Variants in NCAM1 observed in about 807,000 individuals in gnomAD.
NCAM1 encodes the protein neural cell adhesion molecule 1, also known as antigen recognized by monoclonal antibody 5.1H11.
Under a neutral mutation model 109.8 loss-of-function variants are expected in NCAM1, and 14 were observed. The observed-to-expected ratio is 0.13, with a 90% confidence interval of 0.08 to 0.20. The LOEUF (loss-of-function observed/expected upper bound fraction) is 0.20. Ranked by LOEUF, NCAM1 falls within the 10% of genes least tolerant of loss-of-function variation. NCAM1 has a pLI of 1.00. For missense variants in NCAM1, 774 were observed against 1,109.9 expected (o/e 0.70, Z 4.30); for synonymous variants, 418 against 442.9 (o/e 0.94, Z 0.70).
chr11:113,114,430 C>G (rs908801650), intron 1 of NCAM1, among the ~76,000 whole-genome samples: 2 of 152,176 alleles, frequency 1.3e-5, no homozygotes, highest in Admixed American at 6.5e-5. Context: ...GCCTAAGAAG[C>G]CTTAGGACAT....
At chr11:112,978,874 A>G (rs782588310) in intron 1 of NCAM1, among the ~76,000 whole-genome samples, 1 of 151,818 alleles carries the variant, frequency 6.6e-6, no homozygotes, top group African/African-American at 2.4e-5. Context: ...TGATTTTGTT[A>G]AATACTAGAA....
At chr11:113,088,017 C>T (rs1450248833) in intron 1 of NCAM1, among the ~76,000 whole-genome samples, 1 of 152,134 alleles carries the variant, frequency 6.6e-6, no homozygotes, top group Non-Finnish European at 1.5e-5. Flanking sequence ...TAACATTAAC[C>T]ACCATAACAA....
chr11:113,268,399 C>T (rs1009732661), intron 17 of NCAM1, among the ~76,000 whole-genome samples: 6 of 152,150 alleles, frequency 3.9e-5, no homozygotes, highest in Non-Finnish European at 7.3e-5. Flanking sequence ...TGGGGGAATG[C>T]GCTAGGATCT....
At position 113,142,038 on chromosome 11, in the gene NCAM1, G is replaced by A. The variant is rs528712318; in HGVS notation, c.53-60341G>A. 3.0e-4 allele frequency among the ~76,000 whole-genome samples: 46 copies of A among 152,220 alleles called. 1 individual carries two copies. Among genetic ancestry groups the A allele is most frequent in the Admixed American group, 7.2e-4 (11 of 15,292 alleles). ...TTGACAAACGGCCCCTAATTTTTCC[G>A]TCTGGGCTAGAAGATTATCATAAGA... is the stretch of plus-strand genomic sequence containing the variant. On this transcript the variant is annotated intron_variant, in intron 1 of 19. Coordinates refer to ENST00000316851, the MANE Select transcript of NCAM1 (RefSeq NM_181351.5).
chr11:113,064,912 G>C (rs1555083968), intron 1 of NCAM1, among the ~76,000 whole-genome samples: 1 of 152,154 alleles, frequency 6.6e-6, no homozygotes, highest in Non-Finnish European at 1.5e-5. Flanking sequence ...ACACAGGTTA[G>C]TATACATACA....
chr11:112,971,451 G>A (rs1950880047), intron 1 of NCAM1, among the ~76,000 whole-genome samples: 1 of 152,070 alleles, frequency 6.6e-6, no homozygotes, highest in Non-Finnish European at 1.5e-5. Context: ...GTGAGGGTGG[G>A]GAGGAAGAAA....
At chr11:113,194,871 T>C (rs1289644985) in intron 1 of NCAM1, among the ~76,000 whole-genome samples, 3 of 152,250 alleles carry the variant, frequency 2.0e-5, no homozygotes, top group African/African-American at 4.8e-5. Flanking sequence ...TTAGTTGATT[T>C]GGAAACCTAG....
At chr11:113,082,942 CAATT>C (rs1337253942) in intron 1 of NCAM1, among the ~76,000 whole-genome samples, 1 of 152,052 alleles carries the variant, frequency 6.6e-6, no homozygotes, top group Non-Finnish European at 1.5e-5. Context: ...TTTTCAATCA[CAATT>C]AAAGTAATAT....
chr11:113,235,195 A>G (rs781958675), intron 14 of NCAM1, 31 bp downstream of exon 14: 1 of 1,613,656 alleles, frequency 6.2e-7, no homozygotes, highest in Non-Finnish European at 8.5e-7. Context: ...CCCTTTTCCC[A>G]GCCCACCTTC....
chr11:112,991,672 G>A (rs1294191271), intron 1 of NCAM1, among the ~76,000 whole-genome samples: 3 of 152,100 alleles, frequency 2.0e-5, no homozygotes, highest in Non-Finnish European at 4.4e-5. Context: ...TGGGACTCCC[G>A]AATTTTAAAT....
chr11:113,220,552 G>T (rs1321102492), intron 8 of NCAM1, among the ~76,000 whole-genome samples: 1 of 148,588 alleles, frequency 6.7e-6, no homozygotes, highest in African/African-American at 2.5e-5. Context: ...TCTATGATAA[G>T]CTGCCTTATA....
intron 1 of NCAM1, among the ~76,000 whole-genome samples, chr11:113,078,746 T>G (rs1178495029): frequency 6.6e-6 from 1 of 152,164 alleles, no homozygotes; most frequent in Non-Finnish European, 1.5e-5. Context: ...TAGTCCACAG[T>G]AGCTCACTTC....
At chr11:113,265,053 T>G (rs1383463065) in intron 17 of NCAM1, 1 of 985,346 alleles carries the variant, frequency 1.0e-6, no homozygotes, top group Non-Finnish European at 1.2e-6. Flanking sequence ...GGGGCCCCTT[T>G]GCTCATTTTT....
chr11:113,263,020 C>G (rs890148708), intron 17 of NCAM1: 3 of 1,531,666 alleles, frequency 2.0e-6, no homozygotes, highest in Admixed American at 2.0e-5. Flanking sequence ...ACCACCATGG[C>G]CACAGCTGCT....
At chr11:113,151,691 C>T (rs782105533) in intron 1 of NCAM1, among the ~76,000 whole-genome samples, 7 of 152,238 alleles carry the variant, frequency 4.6e-5, no homozygotes, top group Non-Finnish European at 7.3e-5. Flanking sequence ...CGTCAGTTTT[C>T]GTGGAAAGCT....
chr11:113,188,538 T>G (rs1943580650), intron 1 of NCAM1, among the ~76,000 whole-genome samples: 1 of 152,226 alleles, frequency 6.6e-6, no homozygotes, highest in South Asian at 2.1e-4. Context: ...AACTCCTTAT[T>G]TAAATCTGTT....
chr11:113,062,424 G>C (rs1004710178), intron 1 of NCAM1, among the ~76,000 whole-genome samples: 1 of 152,138 alleles, frequency 6.6e-6, no homozygotes, highest in African/African-American at 2.4e-5. Context: ...GAATGCCCGT[G>C]ATGTTCTGGG....
chr11:112,969,361 C>T (rs1819415060), intron 1 of NCAM1, among the ~76,000 whole-genome samples: 2 of 152,106 alleles, frequency 1.3e-5, no homozygotes, highest in African/African-American at 4.8e-5. Flanking sequence ...AACTTACGTT[C>T]GTTGTCTGAA....
chr11:112,988,905 AC>A (rs1479475892), intron 1 of NCAM1, among the ~76,000 whole-genome samples: 4 of 151,790 alleles, frequency 2.6e-5, no homozygotes, highest in African/African-American at 4.8e-5. Flanking sequence ...GCACCACCAC[AC>A]CTGGCCAATT....
Sources: gnomAD v4.1 joint callset for allele counts (sites outside exome capture counted in the v4.1 genomes callset) on GRCh38, gnomAD v4.1.1 for gene constraint, MANE v1.5 for transcripts, NCBI Gene and HGNC (gene_info 2026-07-23, HGNC 2026-07-21) for gene names.